CGN: variants seen among roughly 807,000 people sequenced by gnomAD.
CGN encodes the protein cingulin.
Under a neutral mutation model 157.1 loss-of-function variants are expected in CGN, and 121 were observed. The observed-to-expected ratio is 0.77, with a 90% confidence interval of 0.66 to 0.90. CGN has a LOEUF of 0.90. Among genes scored for constraint, CGN ranks in the 40% least tolerant of loss-of-function variants. CGN has a pLI of 0.00. For missense variants in CGN, 1,424 were observed against 1,520.9 expected, an observed-to-expected ratio of 0.94 and a Z score of 1.06; for synonymous variants, 535 against 607.5, an observed-to-expected ratio of 0.88 and a Z score of 1.76.
chr1:151,537,194 C>T lies in CGN; in HGVS notation c.3471-11C>T, dbSNP rs367728694. On this transcript the variant is annotated splice_polypyrimidine_tract_variant and intron_variant, in intron 20 of 20. Transcript: ENST00000271636. Reference sequence around the variant, plus strand: ...TCCCCTCCCCAACCATTATTCTTCTCTCTGAGTCAGGCGCAAAGCTTCCCG... The same window carrying T: ...TCCCCTCCCCAACCATTATTCTTCTTTCTGAGTCAGGCGCAAAGCTTCCCG... The T allele has an allele frequency of 2.5e-6, 4 of 1,610,772 alleles. No individual in the cohort carries two copies. The African/African-American group carries it at 5.3e-5, about 22-fold the overall frequency.
At chr1:151,522,528 G>A (rs1030347441) in intron 5 of CGN, among the ~76,000 whole-genome samples, 1 of 152,010 alleles carries the variant, frequency 6.6e-6, no homozygotes, top group African/African-American at 2.4e-5. Flanking sequence ...GGGAGGCTGA[G>A]GCAGGGAGAC....
chr1:151,520,094 G>T, intron 2 of CGN, 72 bp from the exon 3 acceptor site: 1 of 1,180,946 alleles, frequency 8.5e-7, no homozygotes. Flanking sequence ...TGAACCCCAC[G>T]CATGCTTCTG....
chr1:151,529,589 G>T (rs574272636), intron 11 of CGN, 30 bp downstream of exon 11: 1 of 1,591,432 alleles, frequency 6.3e-7, no homozygotes, highest in East Asian at 2.2e-5. Flanking sequence ...GGCTTAGGAG[G>T]TGGAGGCTGA....
intron 13 of CGN, among the ~76,000 whole-genome samples, chr1:151,532,030 T>C (rs1664848477): frequency 6.6e-6 from 1 of 152,256 alleles, no homozygotes; most frequent in Non-Finnish European, 1.5e-5. Flanking sequence ...CACCTTGGGT[T>C]TGCTGAAATG....
At chr1:151,510,434 ATGT>A (rs1164051202), upstream of CGN, 5 of 152,190 alleles carry the variant, frequency 3.3e-5, no homozygotes, top group Admixed American at 6.5e-5. Flanking sequence ...GCCAGCTTTA[ATGT>A]TGTTTTAACT....
chr1:151,519,041 C>T lies in CGN; in HGVS notation c.522C>T (p.Pro174=), dbSNP rs201247201. The T allele has an allele frequency of 6.2e-7, 1 of 1,614,140 alleles. No individual in the cohort carries two copies. Among genetic ancestry groups the T allele is most frequent in the African/African-American group, 1.3e-5 (1 of 75,054 alleles). Residue 174 remains proline, a synonymous_variant, in exon 2 of 21, where the codon CCC becomes CCT. Coordinates refer to ENST00000271636, the MANE Select transcript of CGN (RefSeq NM_020770.3). ...CAGGTAGCACCATTGACACTGCTCC[C>T]CTGTCTTCAGTGGACTCACTCATCA... The part of the protein sequence containing the change: ...ASPGSTIDTA[P]LSSVDSLINK...
rs57594818 is a variant in CGN, at chr1:151,521,570, C to T, written c.1140+879C>T. Among the ~76,000 whole-genome samples, 41 of 152,242 alleles carry T rather than the reference C, an allele frequency of 2.7e-4. No individual in the cohort carries two copies. The East Asian group carries it at 6.9e-3, about 26-fold the overall frequency. On this transcript the variant is annotated intron_variant, in intron 5 of 20. Coordinates refer to ENST00000271636, the MANE Select transcript of CGN (RefSeq NM_020770.3). ...TTTAAACAAACATTTCCCAGCCGGG[C>T]GCAGTGGCTCACACCTGTAATCCTT...
intron 20 of CGN, 42 bp downstream of exon 20, chr1:151,536,935 A>G: frequency 6.3e-7 from 1 of 1,595,928 alleles, no homozygotes; most frequent in Non-Finnish European, 8.6e-7. Flanking sequence ...GGGACACTAG[A>G]GCAGGGAGGG....
At position 151,519,290 on chromosome 1, in the gene CGN, G is replaced by T. The variant is rs1335692030; in HGVS notation, c.771G>T (p.Leu257=). Residue 257 remains leucine, a synonymous_variant, in exon 2 of 21, where the codon CTG becomes CTT. Coordinates refer to ENST00000271636, the MANE Select transcript of CGN (RefSeq NM_020770.3). ...AGCAGCCAGCCCAGAGCCAGAACCT[G>T]AGTCCTCTCAGTGGCTTTAGCCGTT... ...TSKQPAQSQN[L]SPLSGFSRSR... 6.2e-7 allele frequency: 1 copy of T among 1,613,830 alleles called. No homozygotes were observed. The highest frequency in any genetic ancestry group is 2.2e-5 in the East Asian group (1 of 44,890).
chr1:151,532,245 T>C (rs2102501275), intron 13 of CGN, among the ~76,000 whole-genome samples, 157 bp from the exon 14 acceptor site: 1 of 152,310 alleles, frequency 6.6e-6, no homozygotes, highest in Admixed American at 6.5e-5. Context: ...CAGACATCTG[T>C]ATATAACTAT....
At chr1:151,526,189 T>G (rs1380857592) in intron 9 of CGN, among the ~76,000 whole-genome samples, 1 of 150,140 alleles carries the variant, frequency 6.7e-6, no homozygotes, top group East Asian at 2.0e-4. Context: ...TCCTTTTTTT[T>G]TTTTTTTGAG....
chr1:151,537,117 G>T (rs1384710375), intron 20 of CGN, 88 bp from the exon 21 acceptor site: 3 of 1,455,230 alleles, frequency 2.1e-6, no homozygotes, highest in Non-Finnish European at 2.8e-6. Context: ...GGCCTTAGAA[G>T]AATTGGGGTT....
At chr1:151,534,192 C>G in intron 15 of CGN, 56 bp downstream of exon 15, 1 of 1,496,694 alleles carries the variant, frequency 6.7e-7, no homozygotes, top group Non-Finnish European at 9.0e-7. Context: ...AAGCCTCTTT[C>G]TGTACTAGCG....
chr1:151,534,811 C>A, intron 15 of CGN: 1 of 499,718 alleles, frequency 2.0e-6, no homozygotes, highest in Non-Finnish European at 3.6e-6. Context: ...GTTTGCCTTT[C>A]TGTCAAAGGG....
chr1:151,534,401 CA>C, intron 15 of CGN: 2 of 471,698 alleles, frequency 4.2e-6, no homozygotes, highest in Non-Finnish European at 7.6e-6. Flanking sequence ...TGGAGCTGAG[CA>C]GTGGGTTTCC....
At position 151,518,955 on chromosome 1, in the gene CGN, C is replaced by T; in HGVS notation, c.436C>T (p.Pro146Ser). The change falls in exon 2 of 21, where the codon CCA (proline) becomes TCA (serine). Residue 146 changes from proline to serine, a missense_variant. Around this residue, in one of 3 missense-constraint regions of CGN, gnomAD observed 1,187 missense variants for 1,217.6 expected, o/e 0.97. Coordinates refer to ENST00000271636, the MANE Select transcript of CGN (RefSeq NM_020770.3). Reference protein sequence around the residue: ...HSQASLAGPGPVDPSNRSNSM... With the variant: ...HSQASLAGPGSVDPSNRSNSM... ...CCAGGCCTCACTGGCAGGCCCTGGC[C>T]CAGTGGATCCTAGTAACAGAAGCAA... 1.2e-6 allele frequency: 2 copies of T among 1,614,144 alleles called. No homozygotes were observed. Among genetic ancestry groups the T allele is most frequent in the Non-Finnish European group, 1.7e-6 (2 of 1,180,020 alleles).
chr1:151,521,905 G>T (rs1664550418), intron 5 of CGN, among the ~76,000 whole-genome samples: 3 of 152,164 alleles, frequency 2.0e-5, no homozygotes, highest in Admixed American at 2.0e-4. Context: ...GGTAATTGTG[G>T]CTCTGAGCCT....
rs1287975422 is a variant in CGN, at chr1:151,527,002, G to A, written c.1791G>A (p.Glu597=). ...QELLQLRMEK[E]EMEEELGEKI... ...TCCTGCAGCTGCGAATGGAGAAGGA[G>A]GAGATGGAAGAGGAGCTTGGAGAGA... The change falls in exon 10 of 21, where the codon GAG becomes GAA. Residue 597 remains glutamate (E), a synonymous_variant. Coordinates refer to ENST00000271636, the MANE Select transcript of CGN (RefSeq NM_020770.3). The A allele has an allele frequency of 3.1e-6, 5 of 1,614,172 alleles. No homozygotes were observed. The Admixed American group carries it at 8.3e-5, about 27-fold the overall frequency.
At chr1:151,522,849 G>C (rs931945955) in intron 5 of CGN, among the ~76,000 whole-genome samples, 1 of 151,924 alleles carries the variant, frequency 6.6e-6, no homozygotes, top group Non-Finnish European at 1.5e-5. Flanking sequence ...GGGAGGTGGA[G>C]GTTGCGGTGA....
Sources: gnomAD v4.1 joint callset for allele counts (sites outside exome capture counted in the v4.1 genomes callset) on GRCh38, gnomAD v4.1.1 for gene constraint, gnomAD v4.1.1 regional missense constraint, MANE v1.5 for transcripts, NCBI Gene and HGNC (gene_info 2026-07-23, HGNC 2026-07-21) for gene names.